RBPJL: variants seen among roughly 807,000 people sequenced by gnomAD.
RBPJL encodes the protein recombination signal binding protein for immunoglobulin kappa J region like.
Under a neutral mutation model 57.6 loss-of-function variants are expected in RBPJL, and 50 were observed. That is an observed-to-expected ratio of 0.87 (90% CI 0.69 to 1.10). The LOEUF (loss-of-function observed/expected upper bound fraction) is 1.10. RBPJL is among the 50% of genes least tolerant of loss of function. The pLI is 0.00. For synonymous variants in RBPJL, 303 were observed against 294.4 expected, an observed-to-expected ratio of 1.03 and a Z score of -0.30; for missense variants, 684 against 693.7, an observed-to-expected ratio of 0.99 and a Z score of 0.16.
chr20:45,311,857 C>T lies in RBPJL; in HGVS notation c.347C>T (p.Thr116Met). The stretch of plus-strand genomic sequence containing the variant: ...TTTCCAGCTCACCAGGCGGGGGAAA[C>T]GGGGCCCACGGTCTGCGGTTACATG... ...GQDQAHQAGETGPTVCGYMGL... is the reference protein window; with the variant it reads ...GQDQAHQAGEMGPTVCGYMGL... The change falls in exon 5 of 12, where the codon ACG becomes ATG. Residue 116 changes from threonine (T) to methionine (M), a missense_variant. Transcript: ENST00000343694. 6.4e-7 allele frequency: 1 copy of T among 1,551,638 alleles called. No homozygotes were observed. Among genetic ancestry groups the T allele is most frequent in the Non-Finnish European group, 8.7e-7 (1 of 1,146,918 alleles).
chr20:45,310,841 G>A (rs918422695), intron 3 of RBPJL, among the ~76,000 whole-genome samples: 3 of 152,146 alleles, frequency 2.0e-5, no homozygotes, highest in African/African-American at 7.2e-5. Context: ...TGGCCAGCCT[G>A]GTGGCTCATC....
chr20:45,311,740 A>G, intron 4 of RBPJL, 81 bp downstream of exon 4: 2 of 1,563,896 alleles, frequency 1.3e-6, no homozygotes, highest in Middle Eastern at 1.8e-4. Context: ...GGCGGTTCGC[A>G]GGCGCAGTCT....
At chr20:45,315,380 G>A (rs1186402707) in intron 9 of RBPJL, among the ~76,000 whole-genome samples, 1 of 151,128 alleles carries the variant, frequency 6.6e-6, no homozygotes, top group African/African-American at 2.4e-5. Context: ...TAGATTATTA[G>A]AGCATAGAAT....
At chr20:45,316,084 T>C in intron 9 of RBPJL, 103 bp from the exon 10 acceptor site, 1 of 1,092,746 alleles carries the variant, frequency 9.2e-7, no homozygotes, top group Non-Finnish European at 1.3e-6. Flanking sequence ...CTAGGATTAG[T>C]ATCCAGTTCG....
chr20:45,311,726 A>G, intron 4 of RBPJL, 67 bp downstream of exon 4: 4 of 1,587,122 alleles, frequency 2.5e-6, no homozygotes, highest in South Asian at 2.2e-5. Flanking sequence ...TGGGCCCGAG[A>G]CGGGGCGGTT....
Position 45,308,258 on chromosome 20 carries a change from G to GCGGC in RBPJL, c.131+8_131+11dup. ...TCCCGGGCACTTGGACCAGGTAACG[G>GCGGC]CGGCGTGGCAGCGTGCCCTAGGTGG... On this transcript the variant is annotated splice_region_variant and intron_variant, in intron 2 of 11. Coordinates refer to ENST00000343694, the MANE Select transcript of RBPJL (RefSeq NM_014276.4). The GCGGC allele has an allele frequency of 6.3e-7, 1 of 1,595,500 alleles. No individual in the cohort carries two copies. The highest frequency in any genetic ancestry group is 2.2e-5 in the East Asian group (1 of 44,758).
At chr20:45,313,644 A>G in intron 7 of RBPJL, 39 bp downstream of exon 7, 5 of 1,545,446 alleles carry the variant, frequency 3.2e-6, no homozygotes, top group Non-Finnish European at 4.4e-6. Context: ...GGCACTTCAC[A>G]TGCATTAGCT....
rs771343881 is a variant in RBPJL at position 45,316,555 on chromosome 20, G to GCCCCA, written c.1255_1256insCCCCA (p.Asp419AlafsTer41). 1 of 1,535,804 alleles carries GCCCCA rather than the reference G, an allele frequency of 6.5e-7. No individual in the cohort carries two copies. Among genetic ancestry groups the GCCCCA allele is most frequent in the Non-Finnish European group, 8.8e-7 (1 of 1,142,030 alleles). On this transcript the variant is annotated frameshift_variant, in exon 11 of 12. Transcript: ENST00000343694. LOFTEE classifies it high-confidence loss of function. Reference sequence around the variant, plus strand: ...CGCGGGGCTCAAGGTGTGGTTTGGGGACGTGGAGGCAGAAACCATGTACAG... The same window carrying GCCCCA: ...CGCGGGGCTCAAGGTGTGGTTTGGGGCCCCAACGTGGAGGCAGAAACCATGTACAG...
Position 45,316,532 on chromosome 20 carries a change from C to A in RBPJL, c.1232C>A (p.Ala411Glu). Residue 411 changes from alanine (A) to glutamate (E), a missense_variant, in exon 11 of 12, where the codon GCG becomes GAG. Transcript: ENST00000343694. ...TLELHGENFH[A>E]GLKVWFGDVE... ...GAGCTCCACGGAGAGAACTTCCACG[C>A]GGGGCTCAAGGTGTGGTTTGGGGAC... 1 of 1,541,376 alleles carries A rather than the reference C, an allele frequency of 6.5e-7. No homozygotes were observed. Among genetic ancestry groups the A allele is most frequent in the South Asian group, 1.2e-5 (1 of 82,696 alleles).
At position 45,306,916 on chromosome 20, in the gene RBPJL, A is replaced by C. The variant is rs760141710; in HGVS notation, c.-7A>C. ...CGGGTGAGCGGCTGGGGCCCCGTGG[A>C]GCCACCATGGACCCCGCAGGGGCAG... On this transcript the variant is annotated 5_prime_UTR_variant, in exon 1 of 12. Coordinates refer to ENST00000343694, the MANE Select transcript of RBPJL (RefSeq NM_014276.4). 4 of 1,256,060 alleles carry C rather than the reference A, an allele frequency of 3.2e-6. No homozygotes were observed. The African/African-American group carries it at 4.6e-5, about 15-fold the overall frequency. The allele number at this position is 1,256,060 out of a possible 1,614,324, so 77.8% of individuals were successfully genotyped here. A position where few individuals can be genotyped will look rare whatever the true frequency, so the allele number is the denominator to read the frequency against.
chr20:45,310,639 C>A (rs1202038209), intron 3 of RBPJL, among the ~76,000 whole-genome samples: 1 of 151,838 alleles, frequency 6.6e-6, no homozygotes, highest in African/African-American at 2.4e-5. Context: ...ATGGGAAGAC[C>A]TTGAGGCTGT....
chr20:45,312,074 G>GTCCT, intron 5 of RBPJL, 120 bp downstream of exon 5: 3 of 1,446,812 alleles, frequency 2.1e-6, no homozygotes, highest in Non-Finnish European at 2.9e-6. Flanking sequence ...GGAGGCCGGG[G>GTCCT]TCCTGCCTTA....
chr20:45,309,763 T>C (rs1339386728), intron 3 of RBPJL, 71 bp downstream of exon 3: 4 of 1,590,486 alleles, frequency 2.5e-6, no homozygotes, highest in Non-Finnish European at 3.4e-6. Context: ...ATCCACCCAT[T>C]GGGCCTCTTT....
At chr20:45,314,014 C>G in intron 7 of RBPJL, 21 bp from the exon 8 acceptor site, 2 of 1,583,496 alleles carry the variant, frequency 1.3e-6, no homozygotes, top group Non-Finnish European at 1.7e-6. Context: ...AACCTTGTCC[C>G]TTGCTTTTTT....
chr20:45,307,490 C>T (rs920107143), intron 1 of RBPJL, among the ~76,000 whole-genome samples: 1 of 152,174 alleles, frequency 6.6e-6, no homozygotes, highest in African/African-American at 2.4e-5. Flanking sequence ...CAAGCTTGGG[C>T]CACAGGCAAA....
At position 45,316,905 on chromosome 20, in the gene RBPJL, G is replaced by C; in HGVS notation, c.1500G>C (p.Glu500Asp). The change falls in exon 12 of 12, where the codon GAG (glutamate) becomes GAC (aspartate). Residue 500 changes from glutamate to aspartate, a missense_variant. By Grantham distance (45) the Glu-to-Asp change is conservative. Transcript: ENST00000343694. Reference protein sequence around the residue: ...EPATDADALLESIHQEFTRTN... With the variant: ...EPATDADALLDSIHQEFTRTN... ...CCACCGACGCCGACGCGCTCCTGGAGAGCATCCATCAGGAGTTCACGCGCA... is the reference window on the plus strand; with the variant it reads ...CCACCGACGCCGACGCGCTCCTGGACAGCATCCATCAGGAGTTCACGCGCA... 1.9e-6 allele frequency: 3 copies of C among 1,613,610 alleles called. No individual in the cohort carries two copies. The highest frequency in any genetic ancestry group is 2.5e-6 in the Non-Finnish European group (3 of 1,179,712).
chr20:45,316,938 C>T lies in RBPJL; in HGVS notation c.1533C>T (p.Phe511=), dbSNP rs148205025. Residue 511 remains phenylalanine (F), a synonymous_variant, in exon 12 of 12, where the codon TTC becomes TTT. Coordinates refer to ENST00000343694, the MANE Select transcript of RBPJL (RefSeq NM_014276.4). ...SIHQEFTRTN[F]HLFIQT ...ATCAGGAGTTCACGCGCACCAACTTCCACCTCTTCATCCAGACTTAGGCGC... is the reference window on the plus strand; with the variant it reads ...ATCAGGAGTTCACGCGCACCAACTTTCACCTCTTCATCCAGACTTAGGCGC... The T allele has an allele frequency of 3.7e-4, 590 of 1,612,656 alleles. 10 individuals carry two copies. In the East Asian group the frequency reaches 0.013, roughly 36 times the overall value.
At chr20:45,313,978 A>T in intron 7 of RBPJL, 57 bp from the exon 8 acceptor site, 2 of 1,271,288 alleles carry the variant, frequency 1.6e-6, no homozygotes, top group Non-Finnish European at 2.3e-6. Context: ...GGCAGGGTTT[A>T]AGGCAGAAGC....
chr20:45,312,436 G>T, intron 6 of RBPJL, 41 bp downstream of exon 6: 1 of 1,587,834 alleles, frequency 6.3e-7, no homozygotes, highest in South Asian at 1.1e-5. Flanking sequence ...GGGCGGGGAG[G>T]TGCAACCAAG....
Sources: gnomAD v4.1 joint callset for allele counts (sites outside exome capture counted in the v4.1 genomes callset) on GRCh38, gnomAD v4.1.1 for gene constraint, MANE v1.5 for transcripts, NCBI Gene and HGNC (gene_info 2026-07-23, HGNC 2026-07-21) for gene names.